Variants in CENPW observed in about 807,000 individuals in gnomAD.
The protein encoded by CENPW is cancer-up-regulated gene 2 protein.
A neutral mutation model predicts 11.1 loss-of-function variants in CENPW; 3 were observed. The ratio of observed to expected loss-of-function variants is 0.27; its 90% CI spans 0.12 to 0.70. The LOEUF is 0.70. CENPW is among the 30% of genes least tolerant of loss of function. CENPW has a pLI of 0.77. For synonymous variants in CENPW, 38 were observed against 42.0 expected, an observed-to-expected ratio of 0.91 and a Z score of 0.37; for missense variants, 100 against 105.6, an observed-to-expected ratio of 0.95 and a Z score of 0.23.
the CENPW span, among the ~76,000 whole-genome samples, chr6:126,385,607 C>A: frequency 6.6e-6 from 1 of 151,944 alleles, no homozygotes; most frequent in African/African-American, 2.4e-5. Context: ...TGCCATAATC[C>A]CCACATGTCA....
the CENPW span, among the ~76,000 whole-genome samples, chr6:126,424,162 G>T: frequency 5.9e-5 from 9 of 152,024 alleles, no homozygotes; most frequent in Admixed American, 5.9e-4. Context: ...GACTAAATAA[G>T]ATGTTCTTCA....
At chr6:126,465,766 T>C in the CENPW span, among the ~76,000 whole-genome samples, 1,093 of 152,118 alleles carry the variant, frequency 7.2e-3, 13 homozygotes, top group African/African-American at 0.025. Context: ...TAGTGGAGAA[T>C]GGGAAGATTT....
intron 1 of CENPW, among the ~76,000 whole-genome samples, chr6:126,345,503 G>A (rs996675706): frequency 1.3e-5 from 2 of 151,994 alleles, no homozygotes; most frequent in Admixed American, 6.5e-5. Context: ...CACGGTTTCC[G>A]TGTATCCTTT....
At chr6:126,448,852 C>T in the CENPW span, among the ~76,000 whole-genome samples, 1 of 151,038 alleles carries the variant, frequency 6.6e-6, no homozygotes, top group Non-Finnish European at 1.5e-5. Context: ...ACCTGTCTCC[C>T]CCAAAAGTCG....
At chr6:126,441,887 C>T in the CENPW span, among the ~76,000 whole-genome samples, 1 of 151,572 alleles carries the variant, frequency 6.6e-6, no homozygotes, top group Non-Finnish European at 1.5e-5. Flanking sequence ...ATATTTTTGC[C>T]GTTGTGAATT....
At chr6:126,364,029 T>G in the CENPW span, among the ~76,000 whole-genome samples, 1 of 152,202 alleles carries the variant, frequency 6.6e-6, no homozygotes, top group African/African-American at 2.4e-5. Flanking sequence ...CAGAGTTAAT[T>G]GTCTTGCTCA....
chr6:126,473,331 A>T, the CENPW span, among the ~76,000 whole-genome samples: 1 of 152,174 alleles, frequency 6.6e-6, no homozygotes, highest in Non-Finnish European at 1.5e-5. Flanking sequence ...CTCTATAAAA[A>T]ATTGGCAAAC....
chr6:126,439,008 A>G, the CENPW span, among the ~76,000 whole-genome samples: 1 of 151,744 alleles, frequency 6.6e-6, no homozygotes, highest in East Asian at 1.9e-4. Flanking sequence ...AAAGATATGT[A>G]TTTTTGTTAT....
the CENPW span, among the ~76,000 whole-genome samples, chr6:126,356,584 C>A: frequency 1.5e-4 from 23 of 152,258 alleles, no homozygotes; most frequent in Non-Finnish European, 2.6e-4. Flanking sequence ...CTTTTCTTTG[C>A]AGCTTTGCCA....
chr6:126,390,298 A>G, the CENPW span, among the ~76,000 whole-genome samples: 1 of 151,840 alleles, frequency 6.6e-6, no homozygotes, highest in African/African-American at 2.4e-5. Context: ...CATTGCAACT[A>G]AAGCGTTCTT....
the CENPW span, among the ~76,000 whole-genome samples, chr6:126,435,874 T>C: frequency 6.6e-6 from 1 of 151,910 alleles, no homozygotes; most frequent in African/African-American, 2.4e-5. Context: ...TTGAAAAGTA[T>C]GCTATCAAAT....
At chr6:126,447,230 A>G in the CENPW span, among the ~76,000 whole-genome samples, 1 of 151,202 alleles carries the variant, frequency 6.6e-6, no homozygotes, top group Non-Finnish European at 1.5e-5. Context: ...TACATGTGAT[A>G]CTGCAAGTTG....
chr6:126,388,550 C>T, the CENPW span, among the ~76,000 whole-genome samples: 1 of 151,966 alleles, frequency 6.6e-6, no homozygotes, highest in South Asian at 2.1e-4. Context: ...TGACTAAGGT[C>T]AGGACCTACT....
chr6:126,387,400 T>G, the CENPW span, among the ~76,000 whole-genome samples: 2 of 151,972 alleles, frequency 1.3e-5, no homozygotes, highest in Non-Finnish European at 2.9e-5. Flanking sequence ...TATCCCAATT[T>G]CACGGAGGAA....
the CENPW span, among the ~76,000 whole-genome samples, chr6:126,390,715 CAT>C: frequency 6.6e-6 from 1 of 151,984 alleles, no homozygotes; most frequent in Admixed American, 6.6e-5. Context: ...TAAGTGAGAA[CAT>C]GTGATGTTTG....
the CENPW span, among the ~76,000 whole-genome samples, chr6:126,476,556 C>T: frequency 6.6e-6 from 1 of 151,878 alleles, no homozygotes; most frequent in Non-Finnish European, 1.5e-5. Context: ...AGAGGAGTCA[C>T]ATTATGTGTT....
At chr6:126,376,403 C>A in the CENPW span, among the ~76,000 whole-genome samples, 5 of 152,116 alleles carry the variant, frequency 3.3e-5, no homozygotes, top group Admixed American at 6.5e-5. Context: ...ACTTGGGATT[C>A]CAACTCTCTC....
chr6:126,355,026 T>C, the CENPW span, among the ~76,000 whole-genome samples: 1 of 152,140 alleles, frequency 6.6e-6, no homozygotes, highest in African/African-American at 2.4e-5. Context: ...GAAAGGTACT[T>C]TTAATAAAAC....
At chr6:126,402,864 T>C in the CENPW span, among the ~76,000 whole-genome samples, 1 of 152,102 alleles carries the variant, frequency 6.6e-6, no homozygotes, top group Non-Finnish European at 1.5e-5. Context: ...CTTCACTTTA[T>C]TGTGTATCAC....
Sources: allele counts gnomAD v4.1 joint callset (sites outside exome capture counted in the v4.1 genomes callset), GRCh38; gene constraint gnomAD v4.1.1; transcripts MANE v1.5; gene names NCBI Gene and HGNC (gene_info 2026-07-23, HGNC 2026-07-21).